Variants in NHEJ1 observed in about 807,000 individuals in gnomAD.
NHEJ1 encodes non-homologous end-joining factor 1.
In NHEJ1, 22 loss-of-function variants were observed where a neutral mutation model predicts 39.4. The observed-to-expected ratio is 0.56, with a 90% CI of 0.40 to 0.80. The LOEUF (loss-of-function observed/expected upper bound fraction) is 0.80. NHEJ1 is among the 30% of genes least tolerant of loss of function. The pLI, the probability that NHEJ1 is intolerant of heterozygous loss-of-function variation, is 0.00. For missense variants in NHEJ1, 329 were observed against 357.1 expected (o/e 0.92, Z 0.63); for synonymous variants, 154 against 135.6 (o/e 1.14, Z -0.94).
Position 219,158,494 on chromosome 2 carries a change from C to A in NHEJ1, c.1-132G>T. On this transcript the variant is annotated intron_variant, in intron 1 of 7. Coordinates refer to ENST00000356853, the MANE Select transcript of NHEJ1 (RefSeq NM_024782.3). ...TGATAAAATAGAAGGCATGGATTTA[C>A]GTTCTCCCAGTATACAACCAGCTGA... The A allele has an allele frequency of 3.6e-6, 3 of 830,302 alleles. No individual in the cohort carries two copies. In the South Asian group the frequency reaches 4.3e-5, roughly 12 times the overall value. 51.4% of individuals were successfully genotyped at this position (830,302 alleles called of 1,614,324 possible). A position where few individuals can be genotyped will look rare whatever the true frequency, so the allele number is the denominator to read the frequency against.
At position 219,160,733 on chromosome 2, in the gene NHEJ1, G is replaced by C. The variant is rs1574753766; in HGVS notation, c.-14C>G. The C allele has an allele frequency of 6.6e-6, 1 of 152,372 alleles. No homozygotes were observed. The highest frequency in any genetic ancestry group is 2.4e-5 in the African/African-American group (1 of 41,474). The allele number at this position is 152,372 out of a possible 1,614,324, so 9.4% of individuals were successfully genotyped here. On this transcript the variant is annotated 5_prime_UTR_variant, in exon 1 of 8. Transcript: ENST00000356853. ...GATTCCACCTACCGTCAGCGGCCGC[G>C]AGAGCGCCCACTCTCTTAGCCGCAC...
chr2:219,086,352 C>A (rs564506664), intron 5 of NHEJ1, among the ~76,000 whole-genome samples: 6 of 152,256 alleles, frequency 3.9e-5, no homozygotes, highest in African/African-American at 1.4e-4. Context: ...ACTCTAGAAC[C>A]TACACTTGAA....
intron 5 of NHEJ1, among the ~76,000 whole-genome samples, chr2:219,114,341 G>T (rs945020742): frequency 6.6e-5 from 10 of 152,168 alleles, no homozygotes; most frequent in Admixed American, 2.6e-4. Context: ...TTGTTTCAGT[G>T]ATCTCATAAT....
intron 5 of NHEJ1, among the ~76,000 whole-genome samples, chr2:219,080,574 T>C (rs1396133269): frequency 8.9e-6 from 1 of 111,736 alleles, no homozygotes; most frequent in Non-Finnish European, 2.0e-5. Context: ...TATATGCTTT[T>C]ATATATATAC....
intron 5 of NHEJ1, among the ~76,000 whole-genome samples, chr2:219,100,960 C>G (rs75832747): frequency 1.3e-5 from 2 of 152,218 alleles, no homozygotes; most frequent in Admixed American, 6.5e-5. Flanking sequence ...CAATCCCCCC[C>G]TCAGAGGAAA....
chr2:219,125,013 T>C (rs1019758114), intron 5 of NHEJ1, among the ~76,000 whole-genome samples: 3 of 151,526 alleles, frequency 2.0e-5, no homozygotes, highest in African/African-American at 7.3e-5. Context: ...GCAAACACAA[T>C]CTAAGAACAA....
intron 3 of NHEJ1, among the ~76,000 whole-genome samples, chr2:219,156,100 T>A (rs1453278038): frequency 1.3e-5 from 2 of 150,136 alleles, no homozygotes. Context: ...ATAGAAAAAA[T>A]TAGCCGGGCA....
intron 5 of NHEJ1, among the ~76,000 whole-genome samples, chr2:219,086,453 T>A (rs1949112685): frequency 6.6e-6 from 1 of 152,180 alleles, no homozygotes; most frequent in African/African-American, 2.4e-5. Flanking sequence ...TGTTCTGAGG[T>A]CTAGTGGTAC....
chr2:219,074,206 A>T lies in NHEJ1; in HGVS notation c.*2175T>A, dbSNP rs562409836. Among the ~76,000 whole-genome samples the T allele has an allele frequency of 1.3e-5, 2 of 152,328 alleles. No individual in the cohort carries two copies. The highest frequency in any genetic ancestry group is 4.1e-4 in the South Asian group (2 of 4,822). On this transcript the variant is annotated 3_prime_UTR_variant, in exon 8 of 8. Transcript: ENST00000356853. ...ATATTCTTACTTAACCTTTTTAGAA[A>T]GTCACACATTCTTTTTGAGAACATC...
intron 5 of NHEJ1, among the ~76,000 whole-genome samples, chr2:219,079,914 A>G (rs947144288): frequency 3.3e-5 from 5 of 152,170 alleles, no homozygotes; most frequent in African/African-American, 1.2e-4. Context: ...TCACTCATAC[A>G]TGACTTGGTA....
At chr2:219,157,362 G>GC (rs1213484027) in intron 3 of NHEJ1, 110 bp downstream of exon 3, 2 of 932,304 alleles carry the variant, frequency 2.1e-6, no homozygotes, top group Non-Finnish European at 1.7e-6. Context: ...AAAGTTTTCT[G>GC]ATTGGAGAAG....
intron 5 of NHEJ1, among the ~76,000 whole-genome samples, chr2:219,088,602 T>A (rs1243665299): frequency 6.6e-6 from 1 of 152,174 alleles, no homozygotes; most frequent in East Asian, 1.9e-4. Flanking sequence ...AAATTAATGA[T>A]CATATTAGAA....
intron 6 of NHEJ1, among the ~76,000 whole-genome samples, chr2:219,077,700 GTC>G (rs1380480571): frequency 2.0e-5 from 3 of 151,726 alleles, no homozygotes; most frequent in Admixed American, 2.0e-4. Context: ...GTCCAGGCTG[GTC>G]TCAAACTCCT....
In NHEJ1 at chr2:219,074,453, C is replaced by T. The variant is rs948765306; in HGVS notation, c.*1928G>A. Among the ~76,000 whole-genome samples, 3 of 151,980 alleles carry T rather than the reference C, an allele frequency of 2.0e-5. No individual in the cohort carries two copies. The highest frequency in any genetic ancestry group is 4.4e-5 in the Non-Finnish European group (3 of 68,000). ...CTATCTAAATTATGCTGAAAAGAAA[C>T]GAAAGATCGGCCAGGCACAGTGGCT... On this transcript the variant is annotated 3_prime_UTR_variant, in exon 8 of 8. Coordinates refer to ENST00000356853, the MANE Select transcript of NHEJ1 (RefSeq NM_024782.3).
intron 3 of NHEJ1, among the ~76,000 whole-genome samples, chr2:219,153,693 G>GGT (rs66485936): frequency 1.7e-5 from 1 of 57,420 alleles, no homozygotes; most frequent in South Asian, 5.7e-4. Flanking sequence ...AGAAAGAAAA[G>GGT]GGGGGGGGGG....
intron 2 of NHEJ1, 69 bp downstream of exon 2, chr2:219,158,117 G>A: frequency 6.5e-7 from 1 of 1,550,064 alleles, no homozygotes; most frequent in Non-Finnish European, 8.9e-7. Flanking sequence ...CCTTCCTTGG[G>A]AAACTACAGG....
chr2:219,089,241 T>C (rs1949139422), intron 5 of NHEJ1, among the ~76,000 whole-genome samples: 1 of 152,162 alleles, frequency 6.6e-6, no homozygotes, highest in Admixed American at 6.5e-5. Flanking sequence ...CCTAGGTACA[T>C]ACCCAAGAGA....
chr2:219,135,043 T>TAAAA (rs59843524), intron 5 of NHEJ1, among the ~76,000 whole-genome samples: 24 of 110,400 alleles, frequency 2.2e-4, no homozygotes, highest in African/African-American at 7.6e-4. Context: ...CCGTCTCAAT[T>TAAAA]AAAAAAAAAA....
chr2:219,140,117 A>G (rs1296549674), intron 5 of NHEJ1, among the ~76,000 whole-genome samples: 2 of 152,392 alleles, frequency 1.3e-5, no homozygotes, highest in South Asian at 4.1e-4. Context: ...CAGCCAATGT[A>G]AAGGCCTAAA....
Sources: allele counts gnomAD v4.1 joint callset (sites outside exome capture counted in the v4.1 genomes callset), GRCh38; gene constraint gnomAD v4.1.1; transcripts MANE v1.5; gene names NCBI Gene and HGNC (gene_info 2026-07-23, HGNC 2026-07-21).